Variants in ADAMTS6 observed in about 807,000 individuals in gnomAD.
ADAMTS6 encodes ADAM metallopeptidase with thrombospondin type 1 motif 6.
A neutral mutation model predicts 144.3 loss-of-function variants in ADAMTS6; 23 were observed. The ratio of observed to expected loss-of-function variants is 0.16; its 90% CI spans 0.11 to 0.23. The LOEUF is 0.23. Among genes scored for constraint, ADAMTS6 ranks in the 10% least tolerant of loss-of-function variants. ADAMTS6 has a pLI of 1.00. For synonymous variants in ADAMTS6, 444 were observed against 457.5 expected (o/e 0.97, Z 0.38); for missense variants, 999 against 1,379.6 (o/e 0.72, Z 4.37).
chr5:65,473,819 T>C lies in ADAMTS6; in HGVS notation c.-146A>G, dbSNP rs1476768869. ...TGTTCCACTGTTTAAGAGCCACTTT[T>C]ATCCAACATCCTGCACTTTCTTCTA... On this transcript the variant is annotated 5_prime_UTR_variant, in exon 2 of 25. It adds an upstream start codon to the 5' untranslated region. Transcript: ENST00000381055. 1 of 596,910 alleles carries C rather than the reference T, an allele frequency of 1.7e-6. No individual in the cohort carries two copies. Among genetic ancestry groups the C allele is most frequent in the African/African-American group, 1.9e-5 (1 of 53,946 alleles). 37.0% of individuals were successfully genotyped at this position (596,910 alleles called of 1,614,324 possible).
intron 7 of ADAMTS6, among the ~76,000 whole-genome samples, chr5:65,439,799 T>C (rs775345718): frequency 3.9e-5 from 6 of 152,096 alleles, no homozygotes; most frequent in Non-Finnish European, 7.4e-5. Context: ...TAAGAGAATG[T>C]CTTTGTCCAT....
At chr5:65,410,577 T>C (rs904008326) in intron 7 of ADAMTS6, among the ~76,000 whole-genome samples, 7 of 152,134 alleles carry the variant, frequency 4.6e-5, no homozygotes, top group Non-Finnish European at 1.0e-4. Context: ...AAGTATGCAA[T>C]ATATTAATAT....
At position 65,471,285 on chromosome 5, in the gene ADAMTS6, G is replaced by T. The variant is rs143047524; in HGVS notation, c.98-143C>A. The T allele has an allele frequency of 2.7e-4, 208 of 756,702 alleles. No individual in the cohort carries two copies. The African/African-American group carries it at 3.5e-3, about 13-fold the overall frequency. The allele number at this position is 756,702 out of a possible 1,614,324, so 46.9% of individuals were successfully genotyped here. A position where few individuals can be genotyped will look rare whatever the true frequency, so the allele number is the denominator to read the frequency against. ...TATATGTGAGGTATGTACAAAAAAA[G>T]TTATATTAAACAAAAATGAAAGAAT... On this transcript the variant is annotated intron_variant, in intron 2 of 24. Transcript: ENST00000381055.
chr5:65,470,676 AC>A (rs1760361648), intron 3 of ADAMTS6, 101 bp downstream of exon 3: 2 of 958,920 alleles, frequency 2.1e-6, no homozygotes, highest in Admixed American at 4.1e-5. Flanking sequence ...TACTTAAACT[AC>A]CTATATATAT....
At chr5:65,336,256 T>G (rs1747296280) in intron 7 of ADAMTS6, among the ~76,000 whole-genome samples, 1 of 152,064 alleles carries the variant, frequency 6.6e-6, no homozygotes, top group Non-Finnish European at 1.5e-5. Context: ...ATATATACAT[T>G]TCTGTACAAC....
At chr5:65,297,135 G>C in intron 10 of ADAMTS6, 1 of 444,244 alleles carries the variant, frequency 2.3e-6, no homozygotes, top group Non-Finnish European at 4.5e-6. Context: ...GAAAACATCA[G>C]AAGCTGGCAT....
At chr5:65,158,520 C>T (rs990338741) in intron 24 of ADAMTS6, among the ~76,000 whole-genome samples, 5 of 152,162 alleles carry the variant, frequency 3.3e-5, no homozygotes, top group African/African-American at 1.2e-4. Context: ...ATATAAACTA[C>T]AAGGGAACTT....
Position 65,173,081 on chromosome 5 carries a change from C to T in ADAMTS6, c.2911-73G>A, listed in dbSNP as rs1393736039. ...GGAAAATTTGAAGAAAGTCTTTCTT[C>T]ATGTAAATGTGTGTTTTAGTATAGA... On this transcript the variant is annotated intron_variant, in intron 22 of 24. Transcript: ENST00000381055. 1.9e-5 allele frequency: 28 copies of T among 1,450,982 alleles called. 1 individual carries two copies. The highest frequency in any genetic ancestry group is 7.6e-5 in the Admixed American group (4 of 52,690). 89.9% of individuals were successfully genotyped at this position (1,450,982 alleles called of 1,614,324 possible).
intron 7 of ADAMTS6, among the ~76,000 whole-genome samples, chr5:65,401,187 A>G (rs1414854937): frequency 6.6e-6 from 1 of 152,164 alleles, no homozygotes; most frequent in Non-Finnish European, 1.5e-5. Flanking sequence ...GGTGTGGGGA[A>G]AGGGGAAACA....
intron 1 of ADAMTS6, among the ~76,000 whole-genome samples, chr5:65,474,719 GT>G (rs1463497773): frequency 2.1e-5 from 3 of 145,046 alleles, no homozygotes; most frequent in African/African-American, 7.7e-5. Flanking sequence ...TGGCTGCCTG[GT>G]TTCCCCGCAT....
intron 7 of ADAMTS6, among the ~76,000 whole-genome samples, chr5:65,397,655 T>G: frequency 6.6e-6 from 1 of 151,962 alleles, no homozygotes; most frequent in Admixed American, 6.6e-5. Flanking sequence ...GGAGACCAGA[T>G]TGCTTGAGCT....
chr5:65,296,555 A>AT (rs960635275), intron 10 of ADAMTS6, among the ~76,000 whole-genome samples: 4 of 152,250 alleles, frequency 2.6e-5, no homozygotes, highest in African/African-American at 9.6e-5. Flanking sequence ...TAGATTCTAC[A>AT]TTTTTTTAAA....
In ADAMTS6 at chr5:65,374,287, G is replaced by A. The variant is rs947940321; in HGVS notation, c.1074-40202C>T. Among the ~76,000 whole-genome samples the A allele has an allele frequency of 7.2e-5, 11 of 151,780 alleles. 1 individual carries two copies. In the East Asian group the frequency reaches 7.7e-4, roughly 11 times the overall value. On this transcript the variant is annotated intron_variant, in intron 7 of 24. Transcript: ENST00000381055. The stretch of plus-strand genomic sequence containing the variant: ...AATTAGGCAGGAGAAGGAAATAAAG[G>A]ATATTCAATTAGGAAAAGAGGAAGT...
chr5:65,211,554 A>T (rs1291608079), intron 20 of ADAMTS6, among the ~76,000 whole-genome samples: 1 of 151,768 alleles, frequency 6.6e-6, no homozygotes, highest in Non-Finnish European at 1.5e-5. Context: ...GTGAGCCGAG[A>T]TCACACCACT....
intron 9 of ADAMTS6, among the ~76,000 whole-genome samples, chr5:65,308,556 T>C (rs1744170031): frequency 6.6e-6 from 1 of 152,096 alleles, no homozygotes. Context: ...TATTCCACTA[T>C]AAGGGAAAAA....
chr5:65,215,512 T>C (rs1342778319), intron 18 of ADAMTS6, 25 bp from the exon 19 acceptor site: 11 of 1,583,834 alleles, frequency 6.9e-6, no homozygotes, highest in Non-Finnish European at 8.6e-6. Context: ...ACAATTCACC[T>C]AAAAATGTGA....
At chr5:65,337,574 A>G (rs1330774100) in intron 7 of ADAMTS6, among the ~76,000 whole-genome samples, 1 of 152,134 alleles carries the variant, frequency 6.6e-6, no homozygotes, top group Non-Finnish European at 1.5e-5. Context: ...AATGTCTCTT[A>G]AAGTAGGCCA....
At chr5:65,335,336 G>A (rs556951951) in intron 7 of ADAMTS6, among the ~76,000 whole-genome samples, 37 of 152,014 alleles carry the variant, frequency 2.4e-4, no homozygotes, top group Non-Finnish European at 4.9e-4. Context: ...TAAGCCATGG[G>A]ACTGCAATGC....
intron 18 of ADAMTS6, 94 bp downstream of exon 18, chr5:65,224,226 C>T (rs1482111684): frequency 1.2e-5 from 12 of 1,003,208 alleles, no homozygotes; most frequent in Non-Finnish European, 1.9e-5. Context: ...AAGTGATCTA[C>T]CTCAAAGAAG....
Sources: allele counts gnomAD v4.1 joint callset (sites outside exome capture counted in the v4.1 genomes callset), GRCh38; gene constraint gnomAD v4.1.1; transcripts MANE v1.5; gene names NCBI Gene and HGNC (gene_info 2026-07-23, HGNC 2026-07-21).